PTPRD: variants seen among roughly 807,000 people sequenced by gnomAD.
PTPRD encodes protein tyrosine phosphatase receptor type D.
A neutral mutation model predicts 214.5 loss-of-function variants in PTPRD; 34 were observed. The ratio of observed to expected loss-of-function variants is 0.16; its 90% confidence interval spans 0.12 to 0.21. The LOEUF (loss-of-function observed/expected upper bound fraction) is 0.21, where lower values mean the gene tolerates loss of function less well. PTPRD is among the 10% of genes least tolerant of loss of function. The pLI is 1.00. For missense variants in PTPRD, 2,545 were observed against 2,398.7 expected (o/e 1.06, Z -1.27); for synonymous variants, 1,128 against 845.7 (o/e 1.33, Z -5.79).
chr9:10,061,945 G>A (rs1324024902), intron 3 of PTPRD, among the ~76,000 whole-genome samples: 1 of 151,908 alleles, frequency 6.6e-6, no homozygotes, highest in Non-Finnish European at 1.5e-5. Context: ...ATACTGAATC[G>A]GAAACTCTGG....
At chr9:9,682,462 A>G (rs1441905891) in intron 7 of PTPRD, among the ~76,000 whole-genome samples, 1 of 151,844 alleles carries the variant, frequency 6.6e-6, no homozygotes, top group Non-Finnish European at 1.5e-5. Context: ...CCAAAGAACA[A>G]GAAGAAAATT....
intron 3 of PTPRD, among the ~76,000 whole-genome samples, chr9:10,261,894 C>T (rs2093722406): frequency 6.6e-6 from 1 of 152,066 alleles, no homozygotes; most frequent in Non-Finnish European, 1.5e-5. Flanking sequence ...AAGAAACAAG[C>T]TTCACCTTCT....
chr9:10,255,286 C>T (rs1016789771), intron 3 of PTPRD, among the ~76,000 whole-genome samples: 10 of 152,126 alleles, frequency 6.6e-5, no homozygotes, highest in Admixed American at 6.5e-4. Context: ...CTAGACGGTA[C>T]AGCCTACTAC....
chr9:9,233,754 C>G (rs1458537978), intron 9 of PTPRD, among the ~76,000 whole-genome samples: 1 of 152,174 alleles, frequency 6.6e-6, no homozygotes, highest in Non-Finnish European at 1.5e-5. Flanking sequence ...GTCATTAAAC[C>G]TTAAAGTTCC....
intron 3 of PTPRD, among the ~76,000 whole-genome samples, chr9:10,106,455 T>A (rs1042504160): frequency 4.6e-5 from 7 of 151,894 alleles, no homozygotes; most frequent in African/African-American, 1.7e-4. Context: ...ATTGAAATGG[T>A]ATGCATAAAG....
intron 5 of PTPRD, among the ~76,000 whole-genome samples, chr9:9,836,871 T>G (rs2056907221): frequency 6.6e-6 from 1 of 152,158 alleles, no homozygotes; most frequent in Non-Finnish European, 1.5e-5. Context: ...AATAGAAAAC[T>G]ACCATATCAA....
chr9:8,825,740 T>C (rs1047493538), intron 11 of PTPRD, among the ~76,000 whole-genome samples: 3 of 152,198 alleles, frequency 2.0e-5, no homozygotes, highest in African/African-American at 4.8e-5. Context: ...GTTATGGTTA[T>C]TTCTTGAAGA....
intron 9 of PTPRD, among the ~76,000 whole-genome samples, chr9:9,268,927 G>C (rs533180673): frequency 6.7e-6 from 1 of 148,686 alleles, no homozygotes; most frequent in Admixed American, 6.7e-5. Flanking sequence ...TAGAAGAAAA[G>C]CTCCATGACA....
At chr9:9,462,358 G>C (rs1314621665) in intron 8 of PTPRD, among the ~76,000 whole-genome samples, 2 of 152,108 alleles carry the variant, frequency 1.3e-5, no homozygotes, top group Non-Finnish European at 2.9e-5. Context: ...GTTCTCATTT[G>C]TCATAGTCTT....
chr9:9,193,931 T>A (rs538245232), intron 9 of PTPRD, among the ~76,000 whole-genome samples: 16 of 152,294 alleles, frequency 1.1e-4, no homozygotes, highest in African/African-American at 1.7e-4. Flanking sequence ...ATAAACTTTT[T>A]AAAAATTTTT....
chr9:9,567,054 G>C lies in PTPRD; in HGVS notation c.-237+7678C>G, dbSNP rs549880153. 8.5e-5 allele frequency among the ~76,000 whole-genome samples: 13 copies of C among 152,068 alleles called. No homozygotes were observed. In the South Asian group the frequency reaches 2.7e-3, roughly 32 times the overall value. On this transcript the variant is annotated intron_variant, in intron 8 of 45. Coordinates refer to ENST00000381196, the MANE Select transcript of PTPRD (RefSeq NM_002839.4). ...AGATATAAAAAATATAAAATAATCA[G>C]TCTAATGGAAATATGTTGAAGGTCA... is the stretch of plus-strand genomic sequence containing the variant.
At chr9:9,292,914 A>C (rs1951679876) in intron 9 of PTPRD, among the ~76,000 whole-genome samples, 1 of 151,478 alleles carries the variant, frequency 6.6e-6, no homozygotes, top group Admixed American at 6.6e-5. Flanking sequence ...CCTCAGAAGT[A>C]AAGGGCCATT....
intron 8 of PTPRD, among the ~76,000 whole-genome samples, chr9:9,484,739 T>A (rs2095557221): frequency 6.6e-6 from 1 of 152,148 alleles, no homozygotes; most frequent in South Asian, 2.1e-4. Flanking sequence ...ATATAGGTAT[T>A]ACATTGCAGA....
At chr9:9,706,905 C>A (rs997357009) in intron 7 of PTPRD, among the ~76,000 whole-genome samples, 27 of 152,034 alleles carry the variant, frequency 1.8e-4, no homozygotes, top group African/African-American at 6.5e-4. Flanking sequence ...AGGCAAAAAG[C>A]AATTGAAAAG....
intron 7 of PTPRD, among the ~76,000 whole-genome samples, chr9:9,622,149 A>G (rs2095265024): frequency 6.6e-6 from 1 of 152,222 alleles, no homozygotes; most frequent in South Asian, 2.1e-4. Flanking sequence ...AGGCAATAAA[A>G]AGGCACTAAT....
intron 35 of PTPRD, among the ~76,000 whole-genome samples, chr9:8,427,893 A>G (rs533129382): frequency 6.6e-6 from 1 of 152,222 alleles, no homozygotes; most frequent in Non-Finnish European, 1.5e-5. Context: ...ATGATGGAGT[A>G]TCTTAAAATT....
chr9:9,378,094 C>T (rs1203207151), intron 9 of PTPRD, among the ~76,000 whole-genome samples: 1 of 151,994 alleles, frequency 6.6e-6, no homozygotes, highest in Non-Finnish European at 1.5e-5. Flanking sequence ...ATCCAAAGAC[C>T]ACAGTTCACA....
chr9:10,218,418 T>C lies in PTPRD; in HGVS notation c.-545+122545A>G, dbSNP rs181533134. Among the ~76,000 whole-genome samples the C allele has an allele frequency of 1.4e-3, 218 of 152,062 alleles. 1 individual carries two copies. The highest frequency in any genetic ancestry group is 4.6e-3 in the African/African-American group (191 of 41,520). On this transcript the variant is annotated intron_variant, in intron 3 of 45. Coordinates refer to ENST00000381196, the MANE Select transcript of PTPRD (RefSeq NM_002839.4). ...TAGAATAAAATATTTTAAAGTGCAA[T>C]ATGTATCTTATGGGGGCAGCATTAC...
Position 8,389,340 on chromosome 9 carries a change from A to T in PTPRD, c.4278T>A (p.Ile1426=), listed in dbSNP as rs2135658176. The T allele has an allele frequency of 6.2e-7, 1 of 1,613,180 alleles. No homozygotes were observed. Among genetic ancestry groups the T allele is most frequent in the Non-Finnish European group, 8.5e-7 (1 of 1,179,440 alleles). Residue 1426 remains isoleucine (I), a synonymous_variant, in exon 37 of 46, where the codon ATT becomes ATA. Coordinates refer to ENST00000381196, the MANE Select transcript of PTPRD (RefSeq NM_002839.4). Reference sequence around the variant, plus strand: ...TTTCGGGGAGAGATCCCTGTGTTGCAATATAGGCATTTTGCTTCCTATACC... The same window carrying T: ...TTTCGGGGAGAGATCCCTGTGTTGCTATATAGGCATTTTGCTTCCTATACC... ...IDGYRKQNAY[I]ATQGSLPETF...
Sources: gnomAD v4.1 joint callset for allele counts (sites outside exome capture counted in the v4.1 genomes callset) on GRCh38, gnomAD v4.1.1 for gene constraint, MANE v1.5 for transcripts, NCBI Gene and HGNC (gene_info 2026-07-23, HGNC 2026-07-21) for gene names.